Variants in RPH3A observed in about 807,000 individuals in gnomAD.
RPH3A encodes rabphilin 3A.
Under a neutral mutation model 102.2 loss-of-function variants are expected in RPH3A, and 48 were observed. The ratio of observed to expected loss-of-function variants is 0.47; its 90% CI spans 0.37 to 0.60. The LOEUF is 0.60. Ranked by LOEUF, RPH3A falls within the 20% of genes least tolerant of loss-of-function variation. RPH3A has a pLI of 0.00. For missense variants in RPH3A, 781 were observed against 910.1 expected (o/e 0.86, Z 1.83); for synonymous variants, 310 against 324.3 (o/e 0.96, Z 0.47).
chr12:112,604,737 G>T (rs1360906686), intron 1 of RPH3A, among the ~76,000 whole-genome samples: 1 of 152,166 alleles, frequency 6.6e-6, no homozygotes, highest in Non-Finnish European at 1.5e-5. Context: ...TGTAGCAGGG[G>T]CTGCCACCCT....
At position 112,883,414 on chromosome 12, in the gene RPH3A, G is replaced by T. The variant is rs2042955577; in HGVS notation, c.1436+12G>T. On this transcript the variant is annotated intron_variant, in intron 16 of 21. Transcript: ENST00000389385. ...AGGAAGACCCTCAGGTACCTGGCAGGCAGAGGGCAGAGAGGGAGGCAAAGG... is the reference window on the plus strand; with the variant it reads ...AGGAAGACCCTCAGGTACCTGGCAGTCAGAGGGCAGAGAGGGAGGCAAAGG... The T allele has an allele frequency of 6.9e-6, 11 of 1,600,114 alleles. No individual in the cohort carries two copies. The highest frequency in any genetic ancestry group is 1.3e-5 in the African/African-American group (1 of 74,766).
rs143243644 is a variant in RPH3A, at chr12:112,738,122, A to G, written c.-139-54021A>G. On this transcript the variant is annotated intron_variant, in intron 1 of 21. Transcript: ENST00000543106. ...AGCTTTGCCTCAAATCTCTGCCTTT[A>G]TCATCACGTATCCTTCTTCCTTGTG... Among the ~76,000 whole-genome samples, 5 of 152,118 alleles carry G rather than the reference A, an allele frequency of 3.3e-5. No individual in the cohort carries two copies. In the East Asian group the frequency reaches 5.8e-4, roughly 18 times the overall value.
chr12:112,666,101 C>T (rs2040081938), intron 1 of RPH3A, among the ~76,000 whole-genome samples: 1 of 152,230 alleles, frequency 6.6e-6, no homozygotes, highest in South Asian at 2.1e-4. Context: ...TATCAGACAA[C>T]TCCAACTGCT....
chr12:112,678,992 C>T (rs1424395188), intron 1 of RPH3A, among the ~76,000 whole-genome samples: 4 of 152,254 alleles, frequency 2.6e-5, no homozygotes, highest in Middle Eastern at 3.4e-3. Flanking sequence ...TTCCATTTTT[C>T]TCTTTTTGCA....
chr12:112,725,560 G>T (rs906915412), intron 1 of RPH3A, among the ~76,000 whole-genome samples: 11 of 152,052 alleles, frequency 7.2e-5, no homozygotes, highest in Non-Finnish European at 1.2e-4. Context: ...TCGATTAGCC[G>T]CTTGGGGGTG....
chr12:112,846,371 G>A (rs1350600678), intron 4 of RPH3A, among the ~76,000 whole-genome samples: 1 of 152,186 alleles, frequency 6.6e-6, no homozygotes, highest in Non-Finnish European at 1.5e-5. Flanking sequence ...GGGAAGGCAA[G>A]GTGTGTTTCC....
rs552281531 is a variant in RPH3A at position 112,796,179 on chromosome 12, G to C, written c.-19+3916G>C. Among the ~76,000 whole-genome samples, 3 of 152,322 alleles carry C rather than the reference G, an allele frequency of 2.0e-5. No homozygotes were observed. The South Asian group carries it at 6.2e-4, about 32-fold the overall frequency. On this transcript the variant is annotated intron_variant, in intron 2 of 21. Transcript: ENST00000389385. The stretch of plus-strand genomic sequence containing the variant: ...AGGGGAGTCATGAGCCTGGGGGGTA[G>C]GCCCCAGAGAAGAATTCTAGGAGGA...
chr12:112,810,684 C>T, intron 2 of RPH3A, among the ~76,000 whole-genome samples: 1 of 152,162 alleles, frequency 6.6e-6, no homozygotes. Context: ...TTGTATGTTC[C>T]TGGCACTTTT....
At chr12:112,861,480 G>A (rs2136212721) in intron 5 of RPH3A, among the ~76,000 whole-genome samples, 1 of 152,256 alleles carries the variant, frequency 6.6e-6, no homozygotes, top group East Asian at 1.9e-4. Context: ...GTGGAGGTTG[G>A]CCTGTTCAAG....
intron 1 of RPH3A, among the ~76,000 whole-genome samples, chr12:112,672,050 A>G (rs1313965090): frequency 6.6e-6 from 1 of 150,926 alleles, no homozygotes; most frequent in Non-Finnish European, 1.5e-5. Flanking sequence ...ATATATATAT[A>G]TATGAGAGAG....
intron 1 of RPH3A, among the ~76,000 whole-genome samples, chr12:112,765,582 G>T (rs527830663): frequency 1.6e-3 from 242 of 152,248 alleles, no homozygotes; most frequent in African/African-American, 5.6e-3. Flanking sequence ...TCTGAGCCTT[G>T]ATTTCCTTAT....
At chr12:112,805,382 G>T (rs1331754486) in intron 2 of RPH3A, among the ~76,000 whole-genome samples, 1 of 152,108 alleles carries the variant, frequency 6.6e-6, no homozygotes, top group African/African-American at 2.4e-5. Flanking sequence ...GAAGGGTTAG[G>T]GTCGCACCAG....
At chr12:112,604,035 T>C (rs2039576989) in intron 1 of RPH3A, among the ~76,000 whole-genome samples, 3 of 152,198 alleles carry the variant, frequency 2.0e-5, no homozygotes, top group Non-Finnish European at 2.9e-5. Context: ...GTAGGCAAAG[T>C]TCTAAATAAG....
At chr12:112,895,636 G>A in intron 20 of RPH3A, 141 bp from the exon 21 acceptor site, 1 of 601,392 alleles carries the variant, frequency 1.7e-6, no homozygotes, top group Non-Finnish European at 3.1e-6. Context: ...CAGAGGATCG[G>A]CACGGGAAGA....
intron 5 of RPH3A, among the ~76,000 whole-genome samples, chr12:112,860,743 C>A (rs1313225804): frequency 6.6e-6 from 1 of 152,136 alleles, no homozygotes; most frequent in Non-Finnish European, 1.5e-5. Flanking sequence ...CTGAGTGACC[C>A]AGGCAAGCGG....
chr12:112,596,652 A>G (rs1223178514), intron 1 of RPH3A, among the ~76,000 whole-genome samples: 2 of 152,158 alleles, frequency 1.3e-5, no homozygotes, highest in African/African-American at 4.8e-5. Flanking sequence ...TTGAAATCTG[A>G]TAGTTTAAGT....
At chr12:112,616,080 G>C (rs2039676477) in intron 1 of RPH3A, among the ~76,000 whole-genome samples, 1 of 152,236 alleles carries the variant, frequency 6.6e-6, no homozygotes, top group African/African-American at 2.4e-5. Context: ...ATATCTGTCT[G>C]TTGTCTTCCA....
intron 1 of RPH3A, among the ~76,000 whole-genome samples, chr12:112,583,985 C>CA (rs2039419471): frequency 6.6e-6 from 1 of 151,754 alleles, no homozygotes; most frequent in Admixed American, 6.6e-5. Context: ...GACCCTGTCT[C>CA]AAAAAAATAA....
chr12:112,700,684 C>G (rs1254999981), intron 1 of RPH3A, among the ~76,000 whole-genome samples: 1 of 152,184 alleles, frequency 6.6e-6, no homozygotes, highest in African/African-American at 2.4e-5. Context: ...TTGATCACCC[C>G]TTTTCTCTAC....
Sources: gnomAD v4.1 joint callset for allele counts (sites outside exome capture counted in the v4.1 genomes callset) on GRCh38, gnomAD v4.1.1 for gene constraint, MANE v1.5 for transcripts, NCBI Gene and HGNC (gene_info 2026-07-23, HGNC 2026-07-21) for gene names.